Variants in DLGAP2 observed in about 807,000 individuals in gnomAD.
DLGAP2 encodes the protein disks large-associated protein 2.
Under a neutral mutation model 100.3 loss-of-function variants are expected in DLGAP2, and 26 were observed. That is an observed-to-expected ratio of 0.26 (90% confidence interval 0.19 to 0.36). The LOEUF is 0.36. Ranked by LOEUF, DLGAP2 falls within the 10% of genes least tolerant of loss-of-function variation. The pLI, the probability that DLGAP2 is intolerant of heterozygous loss-of-function variation, is 1.00. For missense variants in DLGAP2, 1,858 were observed against 1,453.2 expected, an observed-to-expected ratio of 1.28 and a Z score of -4.53; for synonymous variants, 886 against 630.1, an observed-to-expected ratio of 1.41 and a Z score of -6.08.
intron 3 of DLGAP2, among the ~76,000 whole-genome samples, chr8:1,317,582 G>C (rs867057152): frequency 1.8e-5 from 2 of 111,066 alleles, no homozygotes; most frequent in African/African-American, 7.5e-5. Flanking sequence ...ACTCGGCAGC[G>C]TTTAAAAATA....
At chr8:1,487,804 G>A (rs1444479036) in intron 3 of DLGAP2, among the ~76,000 whole-genome samples, 1 of 152,192 alleles carries the variant, frequency 6.6e-6, no homozygotes, top group Non-Finnish European at 1.5e-5. Flanking sequence ...TCGAGTACGA[G>A]TAGTCGGTGA....
intron 3 of DLGAP2, among the ~76,000 whole-genome samples, chr8:1,269,727 G>C (rs1310609431): frequency 2.6e-5 from 4 of 152,148 alleles, no homozygotes; most frequent in Non-Finnish European, 5.9e-5. Flanking sequence ...CTTGTGATCA[G>C]ATGACCCAGA....
chr8:1,702,988 C>G lies in DLGAP2; in HGVS notation c.*1582C>G, dbSNP rs932375801. The G allele has an allele frequency of 1.3e-5, 2 of 152,632 alleles. No individual in the cohort carries two copies. The highest frequency in any genetic ancestry group is 2.9e-5 in the Non-Finnish European group (2 of 68,110). The allele number at this position is 152,632 out of a possible 1,614,324, so 9.5% of individuals were successfully genotyped here. A position where few individuals can be genotyped will look rare whatever the true frequency, so the allele number is the denominator to read the frequency against. On this transcript the variant is annotated 3_prime_UTR_variant, in exon 15 of 15. Transcript: ENST00000637795. ...GCCTTGATTTGCACTTTACAATGTC[C>G]CCAGCCCCTCTGCAGCCCGTGGCTG...
At chr8:1,568,861 T>C (rs1490896750) in intron 6 of DLGAP2, among the ~76,000 whole-genome samples, 9 of 106,718 alleles carry the variant, frequency 8.4e-5, no homozygotes, top group South Asian at 4.6e-4. Flanking sequence ...CATGCCACTG[T>C]CCACTCAGCA....
intron 3 of DLGAP2, among the ~76,000 whole-genome samples, chr8:1,486,993 G>C (rs1799250606): frequency 6.6e-6 from 1 of 152,192 alleles, no homozygotes; most frequent in Non-Finnish European, 1.5e-5. Flanking sequence ...CCACAGCCTG[G>C]CACAGTCATT....
chr8:1,045,509 A>C (rs1294750643), intron 2 of DLGAP2, among the ~76,000 whole-genome samples: 1 of 152,310 alleles, frequency 6.6e-6, no homozygotes, highest in East Asian at 1.9e-4. Context: ...TGAAACCCTT[A>C]AAATCTGCCC....
At chr8:1,583,136 T>C (rs1795999856) in intron 6 of DLGAP2, among the ~76,000 whole-genome samples, 1 of 152,184 alleles carries the variant, frequency 6.6e-6, no homozygotes, top group South Asian at 2.1e-4. Context: ...TGTATTCTTG[T>C]ACGGGAAGAG....
chr8:1,085,468 C>T (rs1386317672), intron 2 of DLGAP2, among the ~76,000 whole-genome samples: 5 of 152,146 alleles, frequency 3.3e-5, no homozygotes, highest in African/African-American at 4.8e-5. Context: ...CTAAGTTTTC[C>T]TCTAGTAGTT....
chr8:1,367,203 C>G (rs181047051), intron 3 of DLGAP2, among the ~76,000 whole-genome samples: 1 of 152,318 alleles, frequency 6.6e-6, no homozygotes, highest in African/African-American at 2.4e-5. Flanking sequence ...GCCATTGAAT[C>G]AAAATGCAAG....
chr8:822,142 G>A (rs1441560389), intron 1 of DLGAP2: 3 of 399,612 alleles, frequency 7.5e-6, no homozygotes, highest in East Asian at 7.1e-5. Context: ...CTTCCCTCGC[G>A]GCTGCTAACC....
intron 4 of DLGAP2, among the ~76,000 whole-genome samples, chr8:1,529,312 C>T (rs977549287): frequency 1.3e-5 from 2 of 152,220 alleles, no homozygotes; most frequent in Non-Finnish European, 1.5e-5. Context: ...CAATGACCTC[C>T]ACTTGGTCTC....
At chr8:1,560,888 A>ACAGCTCTG (rs1563221490) in intron 5 of DLGAP2, among the ~76,000 whole-genome samples, 2 of 152,216 alleles carry the variant, frequency 1.3e-5, no homozygotes, top group African/African-American at 4.8e-5. Context: ...TACCTGACCT[A>ACAGCTCTG]CAGCTCTGCA....
In DLGAP2 at chr8:1,211,702, C is replaced by G. The variant is rs370091181; in HGVS notation, c.74-47149C>G. 3.3e-5 allele frequency among the ~76,000 whole-genome samples: 5 copies of G among 152,014 alleles called. 1 individual carries two copies. The South Asian group carries it at 1.0e-3, about 32-fold the overall frequency. On this transcript the variant is annotated intron_variant, in intron 2 of 14. Coordinates refer to ENST00000637795, the MANE Select transcript of DLGAP2 (RefSeq NM_001346810.2). ...ACCAGCCTGACCAACATGGAGAAAC[C>G]CTGTCTCTACTAAAAATACAAAATT...
intron 1 of DLGAP2, among the ~76,000 whole-genome samples, chr8:834,659 A>G (rs1455368321): frequency 1.3e-5 from 2 of 151,912 alleles, no homozygotes; most frequent in East Asian, 3.9e-4. Flanking sequence ...GCAGTCCTGG[A>G]CCTCCTCCTT....
intron 4 of DLGAP2, among the ~76,000 whole-genome samples, chr8:1,543,689 A>T (rs1801438442): frequency 6.6e-6 from 1 of 152,150 alleles, no homozygotes; most frequent in Non-Finnish European, 1.5e-5. Flanking sequence ...GAATTTGAGG[A>T]TTGGCTTTTG....
intron 1 of DLGAP2, among the ~76,000 whole-genome samples, chr8:758,190 A>T (rs1820968903): frequency 6.6e-6 from 1 of 152,182 alleles, no homozygotes; most frequent in African/African-American, 2.4e-5. Flanking sequence ...GCCAGGACTG[A>T]TGGAGGGGCC....
chr8:1,267,568 T>TG (rs1275949392), intron 3 of DLGAP2, among the ~76,000 whole-genome samples: 1 of 48,216 alleles, frequency 2.1e-5, no homozygotes, highest in Non-Finnish European at 4.3e-5. Flanking sequence ...CAAAATAAAA[T>TG]AAAATAAAAT....
At chr8:1,409,691 C>A (rs888755215) in intron 3 of DLGAP2, among the ~76,000 whole-genome samples, 2 of 152,242 alleles carry the variant, frequency 1.3e-5, no homozygotes, top group South Asian at 2.1e-4. Context: ...GTAAAGCAGA[C>A]CCCACCCCAG....
intron 3 of DLGAP2, among the ~76,000 whole-genome samples, chr8:1,457,468 C>T (rs1011843141): frequency 1.1e-4 from 16 of 152,138 alleles, no homozygotes; most frequent in Admixed American, 8.5e-4. Context: ...CTCCTAGAAA[C>T]ATAGGTTTGT....
Sources: gnomAD v4.1 joint callset for allele counts (sites outside exome capture counted in the v4.1 genomes callset) on GRCh38, gnomAD v4.1.1 for gene constraint, MANE v1.5 for transcripts, NCBI Gene and HGNC (gene_info 2026-07-23, HGNC 2026-07-21) for gene names.